RAD54B: variants seen among roughly 807,000 people sequenced by gnomAD.
The protein encoded by RAD54B is RAD54 homolog B, also known as DNA repair and recombination protein RAD54B.
Under a neutral mutation model 95.8 loss-of-function variants are expected in RAD54B, and 78 were observed. The ratio of observed to expected loss-of-function variants is 0.81; its 90% CI spans 0.68 to 0.98. The LOEUF (loss-of-function observed/expected upper bound fraction) is 0.98, where lower values mean the gene tolerates loss of function less well. Ranked by LOEUF, RAD54B falls within the 50% of genes least tolerant of loss-of-function variation. RAD54B has a pLI of 0.00. For missense variants in RAD54B, 957 were observed against 1,056.6 expected (o/e 0.91, Z 1.31); for synonymous variants, 328 against 354.9 (o/e 0.92, Z 0.85).
chr8:94,379,095 C>T (rs944795891), intron 12 of RAD54B, among the ~76,000 whole-genome samples: 3 of 152,138 alleles, frequency 2.0e-5, no homozygotes, highest in Non-Finnish European at 4.4e-5. Context: ...GATGTTCAAA[C>T]CCTGCACATT....
chr8:94,436,865 C>T, intron 3 of RAD54B: 1 of 1,514,296 alleles, frequency 6.6e-7, no homozygotes. Context: ...GCCTTTCCTA[C>T]CATTGTTCTT....
intron 1 of RAD54B, among the ~76,000 whole-genome samples, chr8:94,472,780 G>A (rs1352788157): frequency 6.6e-6 from 1 of 152,138 alleles, no homozygotes; most frequent in African/African-American, 2.4e-5. Flanking sequence ...ATAAAATAAA[G>A]AATGAACTAG....
chr8:94,452,278 C>T (rs1252602689), intron 3 of RAD54B, among the ~76,000 whole-genome samples: 1 of 152,164 alleles, frequency 6.6e-6, no homozygotes, highest in Non-Finnish European at 1.5e-5. Flanking sequence ...ACATTCAGAC[C>T]ATAGCATTGT....
At chr8:94,444,176 T>C (rs1383152226) in intron 3 of RAD54B, among the ~76,000 whole-genome samples, 1 of 151,946 alleles carries the variant, frequency 6.6e-6, no homozygotes, top group Non-Finnish European at 1.5e-5. Flanking sequence ...AAGATAACAG[T>C]AGGTTTTCCT....
At chr8:94,456,368 ATAT>A (rs1389231363) in intron 3 of RAD54B, among the ~76,000 whole-genome samples, 1 of 152,214 alleles carries the variant, frequency 6.6e-6, no homozygotes, top group Non-Finnish European at 1.5e-5. Flanking sequence ...AATGAACTAA[ATAT>A]TATGAATTAC....
rs1169707784 is a variant in RAD54B at position 94,399,648 on chromosome 8, A to G, written c.1171-27T>C. 4 of 1,570,244 alleles carry G rather than the reference A, an allele frequency of 2.5e-6. No individual in the cohort carries two copies. In the African/African-American group the frequency reaches 4.1e-5, roughly 16 times the overall value. ...TGAGGAAAAAAGATAGTATTTTAAA[A>G]ATCAGGAACAGAAACTATATGAAAT... is the stretch of plus-strand genomic sequence containing the variant. On this transcript the variant is annotated intron_variant, in intron 7 of 14. Coordinates refer to ENST00000336148, the MANE Select transcript of RAD54B (RefSeq NM_012415.3).
intron 1 of RAD54B, among the ~76,000 whole-genome samples, chr8:94,472,503 A>G (rs1813196203): frequency 6.6e-6 from 1 of 152,258 alleles, no homozygotes; most frequent in Non-Finnish European, 1.5e-5. Flanking sequence ...GAGCCTTCTT[A>G]AACTAATAAA....
chr8:94,391,919 T>C lies in RAD54B; in HGVS notation c.1519-20A>G, dbSNP rs1811033678. 1 of 1,577,990 alleles carries C rather than the reference T, an allele frequency of 6.3e-7. No homozygotes were observed. The highest frequency in any genetic ancestry group is 2.2e-5 in the East Asian group (1 of 44,652). The stretch of plus-strand genomic sequence containing the variant: ...TTCTTCCTATGGAAAAATAGCAGAC[T>C]TAAATGAAAGTGTTATAGACAAAAA... On this transcript the variant is annotated intron_variant, in intron 9 of 14. Coordinates refer to ENST00000336148, the MANE Select transcript of RAD54B (RefSeq NM_012415.3).
intron 3 of RAD54B, among the ~76,000 whole-genome samples, chr8:94,413,901 T>C (rs1811590201): frequency 6.7e-6 from 1 of 150,328 alleles, no homozygotes; most frequent in Non-Finnish European, 1.5e-5. Flanking sequence ...AGTGGTGTGA[T>C]CTCGGCTGAC....
intron 1 of RAD54B, among the ~76,000 whole-genome samples, chr8:94,469,453 C>T (rs1280487993): frequency 2.0e-5 from 3 of 152,190 alleles, no homozygotes; most frequent in Non-Finnish European, 4.4e-5. Flanking sequence ...GTCCAATAAA[C>T]CTCTTTCCTA....
chr8:94,404,371 G>T, intron 5 of RAD54B, 132 bp from the exon 6 acceptor site: 1 of 759,812 alleles, frequency 1.3e-6, no homozygotes, highest in Non-Finnish European at 1.9e-6. Context: ...TTTAGTCACA[G>T]TAATGTTACC....
chr8:94,439,703 G>A (rs3136400), intron 3 of RAD54B, among the ~76,000 whole-genome samples: 18,356 of 151,786 alleles, frequency 0.12, 2,035 homozygotes, highest in East Asian at 0.32. Context: ...CGGCGGGGGC[G>A]GTGTTCCAGG....
At chr8:94,392,854 T>C (rs989615822) in intron 9 of RAD54B, among the ~76,000 whole-genome samples, 1 of 150,720 alleles carries the variant, frequency 6.6e-6, no homozygotes, top group Non-Finnish European at 1.5e-5. Flanking sequence ...TTTTTTTTTT[T>C]TGAGATGGAG....
intron 3 of RAD54B, among the ~76,000 whole-genome samples, chr8:94,424,611 CTA>C (rs1391029776): frequency 2.0e-5 from 3 of 152,138 alleles, no homozygotes; most frequent in African/African-American, 4.8e-5. Context: ...GACTAATTTG[CTA>C]TGTCCCAGAA....
chr8:94,431,505 G>T, intron 3 of RAD54B: 1 of 981,400 alleles, frequency 1.0e-6, no homozygotes, highest in Non-Finnish European at 1.2e-6. Flanking sequence ...TAGCGGGATG[G>T]AAATTACACA....
chr8:94,467,240 T>TA (rs1050951255), intron 2 of RAD54B, among the ~76,000 whole-genome samples, 165 bp downstream of exon 2: 1 of 151,990 alleles, frequency 6.6e-6, no homozygotes, highest in East Asian at 1.9e-4. Context: ...TTATTCCTTT[T>TA]AAAAAAAAAT....
intron 1 of RAD54B, among the ~76,000 whole-genome samples, chr8:94,471,827 C>T (rs1813179238): frequency 6.6e-6 from 1 of 151,260 alleles, no homozygotes; most frequent in Admixed American, 6.6e-5. Context: ...ATCTAAAATG[C>T]CATCAATTGT....
chr8:94,408,382 A>G (rs1811445450), intron 4 of RAD54B, among the ~76,000 whole-genome samples: 1 of 152,162 alleles, frequency 6.6e-6, no homozygotes, highest in Non-Finnish European at 1.5e-5. Context: ...TTCACTAACC[A>G]CATAGATGGC....
At chr8:94,413,963 G>A (rs1001976644) in intron 3 of RAD54B, among the ~76,000 whole-genome samples, 24 of 151,096 alleles carry the variant, frequency 1.6e-4, no homozygotes, top group South Asian at 1.3e-3. Context: ...AGCCTCCCAC[G>A]TAGCTGAGAT....
Sources: allele counts gnomAD v4.1 joint callset (sites outside exome capture counted in the v4.1 genomes callset), GRCh38; gene constraint gnomAD v4.1.1; transcripts MANE v1.5; gene names NCBI Gene and HGNC (gene_info 2026-07-23, HGNC 2026-07-21).